Variants in WDR7 observed in about 807,000 individuals in gnomAD.
WDR7 encodes WD repeat-containing protein 7.
In WDR7, 46 loss-of-function variants were observed where a neutral mutation model predicts 169.4. The observed-to-expected ratio is 0.27, with a 90% CI of 0.21 to 0.35. WDR7 has a LOEUF of 0.35. WDR7 is among the 10% of genes least tolerant of loss of function. The pLI, the probability that WDR7 is intolerant of heterozygous loss-of-function variation, is 1.00. For missense variants in WDR7, 1,534 were observed against 1,859.3 expected (o/e 0.83, Z 3.22); for synonymous variants, 612 against 666.8 (o/e 0.92, Z 1.27).
intron 22 of WDR7, among the ~76,000 whole-genome samples, chr18:56,928,948 A>G (rs2046843458): frequency 6.6e-6 from 1 of 152,214 alleles, no homozygotes; most frequent in South Asian, 2.1e-4. Context: ...AAAGTACATA[A>G]TCAGAATTTT....
In WDR7 at chr18:56,756,559, A is replaced by G. The variant is rs372396034; in HGVS notation, c.1990-24A>G. The G allele has an allele frequency of 2.4e-5, 37 of 1,515,232 alleles. No individual in the cohort carries two copies. The African/African-American group carries it at 3.7e-4, about 15-fold the overall frequency. 93.9% of individuals were successfully genotyped at this position (1,515,232 alleles called of 1,614,324 possible). Reference sequence around the variant, plus strand: ...AAATTAAGCACTTTTAATTATAACTATCTTTTAAAAATATTTATTACAGGG... The same window carrying G: ...AAATTAAGCACTTTTAATTATAACTGTCTTTTAAAAATATTTATTACAGGG... On this transcript the variant is annotated intron_variant, in intron 14 of 27. Transcript: ENST00000254442.
intron 14 of WDR7, among the ~76,000 whole-genome samples, chr18:56,747,724 C>T (rs746163024): frequency 7.9e-5 from 12 of 152,158 alleles, no homozygotes; most frequent in Non-Finnish European, 1.6e-4. Flanking sequence ...GCAAAGGGAG[C>T]AGCCTGTGCA....
rs1431286988 is a variant in WDR7 at position 56,667,868 on chromosome 18, A to G, written c.-19-4629A>G. On this transcript the variant is annotated intron_variant, in intron 1 of 27. Transcript: ENST00000254442. ...ACCATATATTTATTAAAGATGTCCTATGTGGTAGATGTTGTGCTAAGCATC... is the reference window on the plus strand; with the variant it reads ...ACCATATATTTATTAAAGATGTCCTGTGTGGTAGATGTTGTGCTAAGCATC... Among the ~76,000 whole-genome samples the G allele has an allele frequency of 2.0e-5, 3 of 152,154 alleles. No individual in the cohort carries two copies. In the East Asian group the frequency reaches 5.8e-4, roughly 29 times the overall value.
chr18:56,913,649 G>A (rs1019113147), intron 21 of WDR7, among the ~76,000 whole-genome samples: 1 of 147,824 alleles, frequency 6.8e-6, no homozygotes, highest in African/African-American at 2.5e-5. Flanking sequence ...AAAAAAATTA[G>A]CCTGATGTGG....
chr18:56,732,404 C>G (rs895604189), intron 14 of WDR7, among the ~76,000 whole-genome samples: 3 of 152,114 alleles, frequency 2.0e-5, no homozygotes, highest in African/African-American at 4.8e-5. Flanking sequence ...TGAATAGGCA[C>G]AAATACTTTT....
chr18:56,674,121 T>G (rs1006921202), intron 2 of WDR7, among the ~76,000 whole-genome samples: 3 of 152,202 alleles, frequency 2.0e-5, no homozygotes, highest in African/African-American at 7.2e-5. Context: ...GACACATGAT[T>G]TCAGTGCACT....
intron 1 of WDR7, among the ~76,000 whole-genome samples, chr18:56,670,405 C>T (rs952296132): frequency 1.3e-5 from 2 of 152,114 alleles, no homozygotes; most frequent in African/African-American, 2.4e-5. Context: ...GAGTACGAGT[C>T]GCCAACTAGC....
At chr18:56,694,011 G>A (rs1162228931) in intron 9 of WDR7, among the ~76,000 whole-genome samples, 1 of 151,818 alleles carries the variant, frequency 6.6e-6, no homozygotes, top group Non-Finnish European at 1.5e-5. Context: ...CTGGAGCTAT[G>A]AGCCTGTGCC....
At chr18:56,975,190 C>T (rs1385212023) in intron 26 of WDR7, among the ~76,000 whole-genome samples, 1 of 151,522 alleles carries the variant, frequency 6.6e-6, no homozygotes, top group Admixed American at 6.6e-5. Context: ...GAGCTGAGAT[C>T]ACGCCACTGC....
At chr18:56,774,081 G>T (rs905806203) in intron 16 of WDR7, among the ~76,000 whole-genome samples, 2 of 151,772 alleles carry the variant, frequency 1.3e-5, no homozygotes, top group African/African-American at 4.8e-5. Flanking sequence ...AAAATGTATT[G>T]AAAAGGGCTA....
intron 13 of WDR7, among the ~76,000 whole-genome samples, chr18:56,726,176 C>A (rs1414269405): frequency 1.3e-5 from 2 of 152,038 alleles, no homozygotes; most frequent in Admixed American, 1.3e-4. Flanking sequence ...TAGTTTTTTC[C>A]AATTTTGTGA....
At chr18:56,931,282 A>C (rs1178287605) in intron 22 of WDR7, among the ~76,000 whole-genome samples, 1 of 152,222 alleles carries the variant, frequency 6.6e-6, no homozygotes, top group Non-Finnish European at 1.5e-5. Context: ...CTTTAATTTC[A>C]AACCTCTGAT....
intron 20 of WDR7, among the ~76,000 whole-genome samples, chr18:56,843,777 T>C (rs947855065): frequency 3.3e-5 from 5 of 152,180 alleles, no homozygotes; most frequent in African/African-American, 1.2e-4. Flanking sequence ...GGCTGTACCA[T>C]TTTACATTCC....
chr18:56,739,867 C>G (rs1386617979), intron 14 of WDR7, among the ~76,000 whole-genome samples: 2 of 142,662 alleles, frequency 1.4e-5, no homozygotes, highest in Non-Finnish European at 3.1e-5. Flanking sequence ...TATGACATAC[C>G]TAGATGTGAT....
At chr18:56,938,089 A>G (rs1022983245) in intron 23 of WDR7, among the ~76,000 whole-genome samples, 3 of 152,158 alleles carry the variant, frequency 2.0e-5, no homozygotes, top group African/African-American at 4.8e-5. Context: ...AGTCTTGCTA[A>G]TCAGAGGCTC....
chr18:56,742,354 A>G (rs2043632264), intron 14 of WDR7, among the ~76,000 whole-genome samples: 3 of 152,184 alleles, frequency 2.0e-5, no homozygotes, highest in Admixed American at 6.5e-5. Flanking sequence ...ACTCAAAGGT[A>G]TTGTGAAGTA....
intron 14 of WDR7, among the ~76,000 whole-genome samples, chr18:56,733,538 T>C (rs923197186): frequency 1.3e-5 from 2 of 152,162 alleles, no homozygotes; most frequent in African/African-American, 4.8e-5. Context: ...GGATACTCTA[T>C]AGAAAGTGCT....
intron 3 of WDR7, among the ~76,000 whole-genome samples, chr18:56,680,041 T>C (rs946206837): frequency 6.6e-6 from 1 of 152,120 alleles, no homozygotes; most frequent in Non-Finnish European, 1.5e-5. Flanking sequence ...TGAAGAAAGT[T>C]GGGGAACTTG....
At chr18:56,802,603 C>T (rs757735951) in intron 19 of WDR7, among the ~76,000 whole-genome samples, 5 of 151,122 alleles carry the variant, frequency 3.3e-5, no homozygotes, top group Non-Finnish European at 2.9e-5. Flanking sequence ...CTCCTGACCT[C>T]GTGATACACC....
Sources: gnomAD v4.1 joint callset for allele counts (sites outside exome capture counted in the v4.1 genomes callset) on GRCh38, gnomAD v4.1.1 for gene constraint, MANE v1.5 for transcripts, NCBI Gene and HGNC (gene_info 2026-07-23, HGNC 2026-07-21) for gene names.